Variants in EIF4G2 observed in about 807,000 individuals in gnomAD.
The protein encoded by EIF4G2 is DAP-5.
EIF4G2 carries 8 observed loss-of-function variants against 117.7 expected under a neutral mutation model. That is an observed-to-expected ratio of 0.07 (90% CI 0.04 to 0.12). EIF4G2 has a LOEUF of 0.12. Among genes scored for constraint, EIF4G2 ranks in the 10% least tolerant of loss-of-function variants. The pLI is 1.00. For missense variants in EIF4G2, 812 were observed against 1,086.2 expected (o/e 0.75, Z 3.55); for synonymous variants, 413 against 367.8 (o/e 1.12, Z -1.41).
At chr11:10,806,489 C>T (rs1459121024) in intron 3 of EIF4G2, 1 of 334,012 alleles carries the variant, frequency 3.0e-6, no homozygotes, top group African/African-American at 2.1e-5. Flanking sequence ...TGCCAATAAA[C>T]ACTTTCTAAT....
rs1420334225 is a variant in EIF4G2, at chr11:10,806,001, G to T, written c.154C>A (p.Pro52Thr). 1 of 1,614,078 alleles carries T rather than the reference G, an allele frequency of 6.2e-7. No individual in the cohort carries two copies. Among genetic ancestry groups the T allele is most frequent in the African/African-American group, 1.3e-5 (1 of 74,926 alleles). ...TCATCTCGTCTAGTGCTTCGTGCAG[G>T]AATCCATTTCTGAGCGTTTTGCCCT... Residue 52 changes from proline (P) to threonine (T), a missense_variant, in exon 4 of 22, where the codon CCT becomes ACT. Pro to Thr is a conservative substitution (Grantham distance 38, BLOSUM62 -1). This residue lies in a region of EIF4G2 where 79 missense variants were observed against 91.5 expected (regional missense o/e 0.86). Transcript: ENST00000339995.
chr11:10,803,988 T>C lies in EIF4G2; in HGVS notation c.613A>G (p.Ile205Val). 3 of 1,614,204 alleles carry C rather than the reference T, an allele frequency of 1.9e-6. No individual in the cohort carries two copies. Among genetic ancestry groups the C allele is most frequent in the Non-Finnish European group, 2.5e-6 (3 of 1,180,044 alleles). Residue 205 changes from isoleucine (I) to valine (V), a missense_variant, in exon 8 of 22, where the codon ATC becomes GTC. This residue lies in a region of EIF4G2 where 154 missense variants were observed against 322.1 expected (regional missense o/e 0.48). Coordinates refer to ENST00000339995, the MANE Select transcript of EIF4G2 (RefSeq NM_001418.4). The surrounding 1 kb of genome is among the most constrained non-coding windows in gnomAD (Gnocchi z 4.0). ...AATTTGATGTTTCCCAACATCTTGA[T>C]CTTAGCAATGGCTCTCTGTTCCTCC...
chr11:10,806,696 C>T (rs1847581432), intron 3 of EIF4G2, 124 bp downstream of exon 3: 2 of 1,051,964 alleles, frequency 1.9e-6, no homozygotes, highest in Admixed American at 2.1e-5. Flanking sequence ...TTAGGATACC[C>T]AACAGAAACC....
In EIF4G2 at chr11:10,797,745, G is replaced by T; in HGVS notation, c.*71C>A. On this transcript the variant is annotated 3_prime_UTR_variant, in exon 22 of 22. Transcript: ENST00000339995. The surrounding 1 kb of genome is among the most constrained non-coding windows in gnomAD (Gnocchi z 4.5). ...CATTACAGCGGAATGAATTTTCGCAGTGGTTAGGTCAAATGCAGTTACATC... is the reference window on the plus strand; with the variant it reads ...CATTACAGCGGAATGAATTTTCGCATTGGTTAGGTCAAATGCAGTTACATC... 1 of 1,459,712 alleles carries T rather than the reference G, an allele frequency of 6.9e-7. No homozygotes were observed. The highest frequency in any genetic ancestry group is 1.4e-5 in the African/African-American group (1 of 71,386). The allele number at this position is 1,459,712 out of a possible 1,614,324, so 90.4% of individuals were successfully genotyped here.
At position 10,808,081 on chromosome 11, in the gene EIF4G2, C is replaced by T. The variant is rs1201470805; in HGVS notation, c.-87+624G>A. 2.8e-6 allele frequency: 3 copies of T among 1,059,022 alleles called. No individual in the cohort carries two copies. The South Asian group carries it at 7.2e-5, about 25-fold the overall frequency. The allele number at this position is 1,059,022 out of a possible 1,614,324, so 65.6% of individuals were successfully genotyped here. A position where few individuals can be genotyped will look rare whatever the true frequency, so the allele number is the denominator to read the frequency against. Reference sequence around the variant, plus strand: ...ACCCCCGCCAGCCCGGCGCCCAGCTCTTTGTTCTCCAAGCAGGAAGGCGGC... The same window carrying T: ...ACCCCCGCCAGCCCGGCGCCCAGCTTTTTGTTCTCCAAGCAGGAAGGCGGC... On this transcript the variant is annotated intron_variant, in intron 1 of 21. Coordinates refer to ENST00000339995, the MANE Select transcript of EIF4G2 (RefSeq NM_001418.4).
rs1219968362 is a variant in EIF4G2 at position 10,800,275 on chromosome 11, T to G, written c.1934A>C (p.Gln645Pro). The stretch of plus-strand genomic sequence containing the variant: ...TGAAATGATGGCACGAGCTGCAAAC[T>G]GTGCTAAATAGGATTTCACCAAAGG... Residue 645 changes from glutamine to proline, a missense_variant, in exon 18 of 22, where the codon CAG (glutamine) becomes CCG (proline). Gln to Pro is a moderately conservative substitution (Grantham distance 76). This residue lies in a region of EIF4G2 where 571 missense variants were observed against 642.3 expected (regional missense o/e 0.89). Coordinates refer to ENST00000339995, the MANE Select transcript of EIF4G2 (RefSeq NM_001418.4). 2 of 1,614,090 alleles carry G rather than the reference T, an allele frequency of 1.2e-6. No homozygotes were observed. Among genetic ancestry groups the G allele is most frequent in the African/African-American group, 2.7e-5 (2 of 74,928 alleles).
chr11:10,805,971 AGTT>A lies in EIF4G2; in HGVS notation c.181_183del (p.Asn61del), dbSNP rs1397706419. On this transcript the variant is annotated inframe_deletion, in exon 4 of 22. Coordinates refer to ENST00000339995, the MANE Select transcript of EIF4G2 (RefSeq NM_001418.4). ...TCGTTTGCGGAGTTGTTTGCTGCGG[AGTT>A]GTCATCTCGTCTAGTGCTTCGTGCA... 4 of 1,614,112 alleles carry A rather than the reference AGTT, an allele frequency of 2.5e-6. No homozygotes were observed. Among genetic ancestry groups the A allele is most frequent in the Non-Finnish European group, 3.4e-6 (4 of 1,180,018 alleles).
chr11:10,804,715 GAA>G (rs1847511210), intron 5 of EIF4G2, 196 bp downstream of exon 5: 2 of 602,912 alleles, frequency 3.3e-6, no homozygotes, highest in Non-Finnish European at 5.8e-6. Context: ...ACCATACCAT[GAA>G]CTTAACATTT....
chr11:10,808,495 C>A, intron 1 of EIF4G2: 1 of 1,244,156 alleles, frequency 8.0e-7, no homozygotes, highest in Admixed American at 2.8e-5. Flanking sequence ...CTGGCCAACA[C>A]TGACGTTTTC....
At chr11:10,806,095 T>G (rs1847561796) in intron 3 of EIF4G2, 48 bp from the exon 4 acceptor site, 1 of 1,609,374 alleles carries the variant, frequency 6.2e-7, no homozygotes, top group African/African-American at 1.3e-5. Context: ...ACACCAAATG[T>G]TAAACATCAT....
At position 10,800,494 on chromosome 11, in the gene EIF4G2, C is replaced by T. The variant is rs1291815246; in HGVS notation, c.1798G>A (p.Ala600Thr). The stretch of plus-strand genomic sequence containing the variant: ...TTGAGTAAACTGATCAAAGAACTTG[C>T]TTTTTCTTTATCTTCATCGCTTCTA... Residue 600 changes from alanine (A) to threonine (T), a missense_variant, in exon 17 of 22, where the codon GCA becomes ACA. Coordinates refer to ENST00000339995, the MANE Select transcript of EIF4G2 (RefSeq NM_001418.4). 5 of 1,614,000 alleles carry T rather than the reference C, an allele frequency of 3.1e-6. No individual in the cohort carries two copies. Among genetic ancestry groups the T allele is most frequent in the Non-Finnish European group, 4.2e-6 (5 of 1,180,022 alleles).
rs573076244 is a variant in EIF4G2 at position 10,803,185 on chromosome 11, A to G, written c.897+26T>C. Reference sequence around the variant, plus strand: ...TCCTAAACCAAAAACTCAGCTTACCAACAAATTTAAAGAAACCAGTATTAC... The same window carrying G: ...TCCTAAACCAAAAACTCAGCTTACCGACAAATTTAAAGAAACCAGTATTAC... On this transcript the variant is annotated intron_variant, in intron 10 of 21. Coordinates refer to ENST00000339995, the MANE Select transcript of EIF4G2 (RefSeq NM_001418.4). This position sits in a 1 kb window ranked among gnomAD's most constrained non-coding sequence, Gnocchi z 4.0. 15 of 1,608,220 alleles carry G rather than the reference A, an allele frequency of 9.3e-6. No individual in the cohort carries two copies. In the South Asian group the frequency reaches 1.6e-4, roughly 17 times the overall value.
intron 14 of EIF4G2, 190 bp downstream of exon 14, chr11:10,801,471 C>A: frequency 2.7e-6 from 2 of 736,192 alleles, no homozygotes; most frequent in Non-Finnish European, 4.8e-6. Context: ...GGAGACTTGC[C>A]CTCATATCTC....
chr11:10,800,697 C>CT (rs1382571924), intron 16 of EIF4G2, 34 bp downstream of exon 16: 2 of 1,613,612 alleles, frequency 1.2e-6, no homozygotes, highest in African/African-American at 2.7e-5. Flanking sequence ...CAAATACAGG[C>CT]TAATTACACT....
rs1847596570 is a variant in EIF4G2 at position 10,807,041 on chromosome 11, T to C, written c.42-156A>G. Reference sequence around the variant, plus strand: ...CCTGTATTTTAGTGCTTGTATATTATGCTACAAATGAAGACTGAACTCGGA... The same window carrying C: ...CCTGTATTTTAGTGCTTGTATATTACGCTACAAATGAAGACTGAACTCGGA... On this transcript the variant is annotated intron_variant, in intron 2 of 21. Transcript: ENST00000339995. The C allele has an allele frequency of 8.1e-6, 9 of 1,108,820 alleles. No homozygotes were observed. The South Asian group carries it at 1.1e-4, about 13-fold the overall frequency. The allele number at this position is 1,108,820 out of a possible 1,614,324, so 68.7% of individuals were successfully genotyped here.
At chr11:10,798,731 G>A in intron 21 of EIF4G2, 2 of 302,838 alleles carry the variant, frequency 6.6e-6, no homozygotes, top group Non-Finnish European at 1.2e-5. Flanking sequence ...ATCGAAACTT[G>A]TACAGTCACT....
chr11:10,799,387 TG>T lies in EIF4G2; in HGVS notation c.2361del (p.Ser788AlafsTer15). ...GCAGAGGATGAATCTGTTTCATCGC[TG>T]GGGGGGTTTACTTCACTAGAAATGT... On this transcript the variant is annotated frameshift_variant, in exon 20 of 22. Coordinates refer to ENST00000339995, the MANE Select transcript of EIF4G2 (RefSeq NM_001418.4). LOFTEE classifies it high-confidence loss of function. 6.2e-7 allele frequency: 1 copy of T among 1,612,172 alleles called. No homozygotes were observed. Among genetic ancestry groups the T allele is most frequent in the Non-Finnish European group, 8.5e-7 (1 of 1,180,010 alleles).
chr11:10,802,301 T>C lies in EIF4G2; in HGVS notation c.1131A>G (p.Gln377=). Residue 377 remains glutamine (Q), a synonymous_variant, in exon 12 of 22, where the codon CAA becomes CAG. Coordinates refer to ENST00000339995, the MANE Select transcript of EIF4G2 (RefSeq NM_001418.4). ...TTGTTTTTTCAAAATTACCTGGCAT[T>C]TGTCCAAACATATCAGCAAGTCCTC... 6.2e-7 allele frequency: 1 copy of C among 1,612,514 alleles called. No homozygotes were observed. The highest frequency in any genetic ancestry group is 8.5e-7 in the Non-Finnish European group (1 of 1,179,336).
In EIF4G2 at chr11:10,803,772, A is replaced by AT; in HGVS notation, c.702+126dup. 1 of 1,298,978 alleles carries AT rather than the reference A, an allele frequency of 7.7e-7. No individual in the cohort carries two copies. The highest frequency in any genetic ancestry group is 1.1e-6 in the Non-Finnish European group (1 of 939,200). The allele number at this position is 1,298,978 out of a possible 1,614,324, so 80.5% of individuals were successfully genotyped here. On this transcript the variant is annotated intron_variant, in intron 8 of 21. Coordinates refer to ENST00000339995, the MANE Select transcript of EIF4G2 (RefSeq NM_001418.4). The surrounding 1 kb of genome is among the most constrained non-coding windows in gnomAD (Gnocchi z 4.0). ...TTGTCAAACACACCACGTATTTCAA[A>AT]TTATTCTGTTTAGTAAATTTTGTTG...
Sources: allele counts gnomAD v4.1 joint callset, GRCh38; gene constraint gnomAD v4.1.1; regional missense constraint gnomAD v4.1.1; non-coding constraint Gnocchi (gnomAD v3.1); transcripts MANE v1.5; gene names NCBI Gene and HGNC (gene_info 2026-07-23, HGNC 2026-07-21).